Variants in DNM3 observed in about 807,000 individuals in gnomAD.
The protein encoded by DNM3 is dynamin-3.
A neutral mutation model predicts 101.6 loss-of-function variants in DNM3; 47 were observed. That is an observed-to-expected ratio of 0.46 (90% CI 0.37 to 0.59). The LOEUF (loss-of-function observed/expected upper bound fraction) is 0.59. Ranked by LOEUF, DNM3 falls within the 20% of genes least tolerant of loss-of-function variation. DNM3 has a pLI of 0.00. For synonymous variants in DNM3, 385 were observed against 387.9 expected, an observed-to-expected ratio of 0.99 and a Z score of 0.09; for missense variants, 849 against 1,085.7, an observed-to-expected ratio of 0.78 and a Z score of 3.06.
intron 4 of DNM3, among the ~76,000 whole-genome samples, chr1:172,023,101 T>G (rs1237093002): frequency 2.6e-5 from 4 of 152,160 alleles, no homozygotes; most frequent in African/African-American, 9.7e-5. Flanking sequence ...TCTCAGTACT[T>G]TAAAAACATT....
intron 14 of DNM3, among the ~76,000 whole-genome samples, chr1:172,213,417 A>C (rs1295031722): frequency 1.3e-5 from 2 of 150,958 alleles, no homozygotes; most frequent in African/African-American, 4.9e-5. Flanking sequence ...TGTGGGTTAC[A>C]TGGGAACATT....
intron 4 of DNM3, among the ~76,000 whole-genome samples, chr1:171,997,496 G>A (rs938599624): frequency 2.0e-5 from 3 of 152,122 alleles, no homozygotes; most frequent in Non-Finnish European, 2.9e-5. Context: ...GCACAGTCTC[G>A]CCATAGAGAG....
chr1:171,980,125 GTTAA>G (rs376672425), intron 2 of DNM3, among the ~76,000 whole-genome samples: 1 of 146,536 alleles, frequency 6.8e-6, no homozygotes. Flanking sequence ...ACTCCCTGAG[GTTAA>G]TTGTTTTCTT....
chr1:171,875,744 A>C (rs1409273550), intron 1 of DNM3, among the ~76,000 whole-genome samples: 3 of 151,740 alleles, frequency 2.0e-5, no homozygotes, highest in Non-Finnish European at 4.4e-5. Context: ...TTTGTAAAGC[A>C]CTTAGTACAG....
chr1:172,315,808 C>T (rs1242236739), intron 16 of DNM3, among the ~76,000 whole-genome samples: 2 of 152,152 alleles, frequency 1.3e-5, no homozygotes, highest in Non-Finnish European at 2.9e-5. Flanking sequence ...AGTTAGAAAA[C>T]ATTCTGCAGG....
intron 14 of DNM3, among the ~76,000 whole-genome samples, chr1:172,222,595 T>A (rs2060948535): frequency 6.6e-6 from 1 of 152,174 alleles, no homozygotes; most frequent in Admixed American, 6.5e-5. Flanking sequence ...CACTTACACT[T>A]GTCTCCCACA....
intron 1 of DNM3, among the ~76,000 whole-genome samples, chr1:171,847,497 A>G (rs1381054204): frequency 1.3e-5 from 2 of 151,642 alleles, no homozygotes. Context: ...TCACAAAGAG[A>G]TACTGTATAT....
intron 2 of DNM3, among the ~76,000 whole-genome samples, chr1:171,945,828 A>G (rs1439905442): frequency 6.6e-6 from 1 of 152,182 alleles, no homozygotes; most frequent in African/African-American, 2.4e-5. Flanking sequence ...GTGGCATTTC[A>G]GGTAAGATTC....
intron 13 of DNM3, among the ~76,000 whole-genome samples, chr1:172,095,447 A>G (rs1572485811): frequency 6.6e-6 from 1 of 152,244 alleles, no homozygotes; most frequent in East Asian, 1.9e-4. Context: ...ATGATACAAT[A>G]TATTTTAAAG....
At chr1:172,371,449 T>G (rs1460977258) in intron 17 of DNM3, among the ~76,000 whole-genome samples, 1 of 152,048 alleles carries the variant, frequency 6.6e-6, no homozygotes, top group Non-Finnish European at 1.5e-5. Context: ...TATTGTAAAC[T>G]GAGATGTCGC....
At chr1:172,025,569 G>T (rs1216319746) in intron 4 of DNM3, among the ~76,000 whole-genome samples, 1 of 152,172 alleles carries the variant, frequency 6.6e-6, no homozygotes, top group Non-Finnish European at 1.5e-5. Context: ...CTGGCATCTT[G>T]TGGGTGCCCC....
chr1:172,174,212 C>T (rs140016347), intron 14 of DNM3, among the ~76,000 whole-genome samples: 26 of 151,488 alleles, frequency 1.7e-4, no homozygotes, highest in African/African-American at 4.3e-4. Flanking sequence ...GTACAGTAGC[C>T]GAACCTGAAA....
chr1:172,024,657 CA>C (rs1490086489), intron 4 of DNM3, among the ~76,000 whole-genome samples: 1 of 152,186 alleles, frequency 6.6e-6, no homozygotes, highest in African/African-American at 2.4e-5. Flanking sequence ...GAGGGCAAGC[CA>C]AAGCAGGATG....
chr1:172,150,935 A>C (rs1270541379), intron 14 of DNM3, among the ~76,000 whole-genome samples: 1 of 152,188 alleles, frequency 6.6e-6, no homozygotes, highest in Non-Finnish European at 1.5e-5. Context: ...TTGAAAAGCC[A>C]TCATAACCTT....
intron 1 of DNM3, among the ~76,000 whole-genome samples, chr1:171,852,879 G>A (rs2033141847): frequency 6.7e-6 from 1 of 149,904 alleles, no homozygotes; most frequent in African/African-American, 2.4e-5. Flanking sequence ...GGACTTTGAA[G>A]GTTTTTTGTT....
chr1:171,963,874 G>A (rs2043387867), intron 2 of DNM3, among the ~76,000 whole-genome samples: 1 of 151,796 alleles, frequency 6.6e-6, no homozygotes, highest in Non-Finnish European at 1.5e-5. Flanking sequence ...CCATCCACCT[G>A]AATGGATGAC....
Position 172,068,827 on chromosome 1 carries a change from C to T in DNM3, c.1344C>T (p.Asn448=). ...TCTGCTTTTCTTGACAGCTGGCAAA[C>T]TTCCCCAGACTCTGCGAGGAAACGG... The part of the protein sequence containing the change: ...TVKKCTKKLA[N]FPRLCEETER... Residue 448 remains asparagine, a synonymous_variant, in exon 11 of 21, where the codon AAC becomes AAT. Transcript: ENST00000627582. 3 of 1,570,136 alleles carry T rather than the reference C, an allele frequency of 1.9e-6. No individual in the cohort carries two copies. The highest frequency in any genetic ancestry group is 2.6e-6 in the Non-Finnish European group (3 of 1,156,758).
intron 15 of DNM3, among the ~76,000 whole-genome samples, chr1:172,292,479 T>C (rs1200261416): frequency 1.3e-5 from 2 of 152,138 alleles, no homozygotes; most frequent in African/African-American, 4.8e-5. Context: ...TTTCTGAAAA[T>C]CCTTTTAAAA....
intron 15 of DNM3, among the ~76,000 whole-genome samples, chr1:172,302,085 C>T (rs2064484030): frequency 6.6e-6 from 1 of 152,178 alleles, no homozygotes; most frequent in Non-Finnish European, 1.5e-5. Flanking sequence ...GGCATCACCT[C>T]ACCTGGGGTT....
Sources: allele counts gnomAD v4.1 joint callset (sites outside exome capture counted in the v4.1 genomes callset), GRCh38; gene constraint gnomAD v4.1.1; transcripts MANE v1.5; gene names NCBI Gene and HGNC (gene_info 2026-07-23, HGNC 2026-07-21).